The following NKAIN2 variants were observed in gnomAD, a reference collection of about 807,000 sequenced individuals.
NKAIN2 encodes the protein sodium/potassium transporting ATPase interacting 2.
Under a neutral mutation model 32.6 loss-of-function variants are expected in NKAIN2, and 14 were observed. The observed-to-expected ratio is 0.43, with a 90% CI of 0.28 to 0.67. The LOEUF is 0.67. Ranked by LOEUF, NKAIN2 falls within the 30% of genes least tolerant of loss-of-function variation. The pLI is 0.17. For synonymous variants in NKAIN2, 80 were observed against 87.2 expected (o/e 0.92, Z 0.46); for missense variants, 198 against 258.3 (o/e 0.77, Z 1.60).
At chr6:124,387,414 T>C (rs1226904478) in intron 3 of NKAIN2, among the ~76,000 whole-genome samples, 2 of 152,042 alleles carry the variant, frequency 1.3e-5, no homozygotes, top group East Asian at 3.9e-4. Context: ...CTCTTGCTCC[T>C]AGTCATATAA....
chr6:124,650,861 A>G (rs548780467), intron 3 of NKAIN2, among the ~76,000 whole-genome samples: 18 of 152,344 alleles, frequency 1.2e-4, no homozygotes, highest in Admixed American at 1.1e-3. Context: ...AACTTGTTCT[A>G]GCACCAACTC....
chr6:124,730,283 G>A (rs1366464457), intron 4 of NKAIN2, among the ~76,000 whole-genome samples: 1 of 104,568 alleles, frequency 9.6e-6, no homozygotes, highest in Non-Finnish European at 1.9e-5. Flanking sequence ...CAAAGCTGGA[G>A]GCATCACACT....
chr6:124,205,268 T>G (rs1420491667), intron 1 of NKAIN2, among the ~76,000 whole-genome samples: 1 of 151,854 alleles, frequency 6.6e-6, no homozygotes, highest in African/African-American at 2.4e-5. Flanking sequence ...AGTTAGATGC[T>G]TCTACACGAA....
intron 1 of NKAIN2, among the ~76,000 whole-genome samples, chr6:124,118,343 T>G (rs1785716844): frequency 6.6e-6 from 1 of 152,106 alleles, no homozygotes; most frequent in South Asian, 2.1e-4. Context: ...CGAGATTAAA[T>G]TTAGAAAGTA....
intron 1 of NKAIN2, among the ~76,000 whole-genome samples, chr6:124,154,054 G>A (rs1199567587): frequency 6.6e-6 from 1 of 151,268 alleles, no homozygotes; most frequent in African/African-American, 2.4e-5. Flanking sequence ...TACAACAACT[G>A]AAATAATTAT....
chr6:124,030,748 TA>T (rs1463441172), intron 1 of NKAIN2, among the ~76,000 whole-genome samples: 1 of 152,214 alleles, frequency 6.6e-6, no homozygotes, highest in Non-Finnish European at 1.5e-5. Flanking sequence ...TGTATTTCTG[TA>T]TCCTCTAAGC....
rs544703737 is a variant in NKAIN2 at position 124,021,735 on chromosome 6, G to T, written c.54+217481G>T. On this transcript the variant is annotated intron_variant, in intron 1 of 6. Transcript: ENST00000368417. ...ATACATATAGACATAGATATATATA[G>T]ACATATCTATATAGATATGGGCCTT... 2.2e-4 allele frequency among the ~76,000 whole-genome samples: 34 copies of T among 151,270 alleles called. No individual in the cohort carries two copies. In the South Asian group the frequency reaches 5.7e-3, roughly 25 times the overall value.
intron 2 of NKAIN2, among the ~76,000 whole-genome samples, chr6:124,313,063 GA>G (rs903189642): frequency 3.3e-5 from 5 of 151,250 alleles, no homozygotes; most frequent in South Asian, 2.1e-4. Flanking sequence ...GGAACCATGG[GA>G]AAAAAAACCA....
chr6:124,372,677 G>A (rs1201601214), intron 3 of NKAIN2, among the ~76,000 whole-genome samples: 1 of 152,100 alleles, frequency 6.6e-6, no homozygotes, highest in Non-Finnish European at 1.5e-5. Flanking sequence ...TATATTCCAA[G>A]TATACTTTTA....
intron 1 of NKAIN2, among the ~76,000 whole-genome samples, chr6:124,113,886 A>C (rs1785494927): frequency 6.6e-6 from 1 of 152,182 alleles, no homozygotes; most frequent in Non-Finnish European, 1.5e-5. Context: ...TTGTGGCTGA[A>C]TCGATATGCT....
At chr6:124,215,709 GA>G (rs1391973799) in intron 1 of NKAIN2, among the ~76,000 whole-genome samples, 1 of 152,122 alleles carries the variant, frequency 6.6e-6, no homozygotes, top group Non-Finnish European at 1.5e-5. Flanking sequence ...TGTAAGATCT[GA>G]ACATGTTTTC....
intron 1 of NKAIN2, among the ~76,000 whole-genome samples, chr6:123,972,484 T>C (rs920446282): frequency 2.6e-5 from 4 of 152,200 alleles, no homozygotes; most frequent in Non-Finnish European, 5.9e-5. Context: ...AGGTTTAAAA[T>C]CTGAGTAGCT....
chr6:124,267,355 AT>A (rs1369279316), intron 1 of NKAIN2, among the ~76,000 whole-genome samples: 1 of 151,870 alleles, frequency 6.6e-6, no homozygotes, highest in Non-Finnish European at 1.5e-5. Context: ...GTAAGAATGT[AT>A]TTTTCAGCCA....
At chr6:124,069,567 G>A (rs1783343032) in intron 1 of NKAIN2, among the ~76,000 whole-genome samples, 1 of 152,100 alleles carries the variant, frequency 6.6e-6, no homozygotes, top group Non-Finnish European at 1.5e-5. Flanking sequence ...GGGAAGACAG[G>A]CTGGAGCACA....
At chr6:124,047,724 G>T (rs1782213368) in intron 1 of NKAIN2, among the ~76,000 whole-genome samples, 2 of 152,020 alleles carry the variant, frequency 1.3e-5, no homozygotes, top group East Asian at 1.9e-4. Context: ...GGAGCAGTGT[G>T]TGCAATACCA....
intron 1 of NKAIN2, among the ~76,000 whole-genome samples, chr6:124,210,010 C>T (rs1041990131): frequency 5.3e-5 from 8 of 151,556 alleles, no homozygotes; most frequent in African/African-American, 1.9e-4. Flanking sequence ...AAGTCTTACA[C>T]AAATCTTCAT....
chr6:124,573,573 C>A (rs897651409), intron 3 of NKAIN2, among the ~76,000 whole-genome samples: 1 of 151,934 alleles, frequency 6.6e-6, no homozygotes, highest in African/African-American at 2.4e-5. Flanking sequence ...AAATGCAAAC[C>A]TGCTCATAAT....
chr6:124,494,913 G>A (rs567439340), intron 3 of NKAIN2, among the ~76,000 whole-genome samples: 1 of 152,082 alleles, frequency 6.6e-6, no homozygotes, highest in African/African-American at 2.4e-5. Context: ...CTTTTCTGAG[G>A]CCATTTTGTT....
At chr6:124,004,347 A>G (rs1307669986) in intron 1 of NKAIN2, among the ~76,000 whole-genome samples, 1 of 152,106 alleles carries the variant, frequency 6.6e-6, no homozygotes, top group African/African-American at 2.4e-5. Flanking sequence ...AATCATTCAA[A>G]TATATTTATG....
Sources: gnomAD v4.1 joint callset for allele counts (sites outside exome capture counted in the v4.1 genomes callset) on GRCh38, gnomAD v4.1.1 for gene constraint, MANE v1.5 for transcripts, NCBI Gene and HGNC (gene_info 2026-07-23, HGNC 2026-07-21) for gene names.